Variants in MRPL21 observed in about 807,000 individuals in gnomAD.
The protein encoded by MRPL21 is mitochondrial ribosomal protein L21, also known as large ribosomal subunit protein bL21m.
MRPL21 carries 20 observed loss-of-function variants against 27.3 expected under a neutral mutation model. The ratio of observed to expected loss-of-function variants is 0.73; its 90% CI spans 0.52 to 1.06. The LOEUF (loss-of-function observed/expected upper bound fraction) is 1.06. MRPL21 is among the 50% of genes least tolerant of loss of function. MRPL21 has a pLI of 0.00. For missense variants in MRPL21, 249 were observed against 251.4 expected, an observed-to-expected ratio of 0.99 and a Z score of 0.06; for synonymous variants, 98 against 101.5, an observed-to-expected ratio of 0.97 and a Z score of 0.21.
intron 2 of MRPL21, among the ~76,000 whole-genome samples, chr11:68,899,620 C>T (rs1235788820): frequency 6.6e-6 from 1 of 152,218 alleles, no homozygotes; most frequent in Admixed American, 6.5e-5. Context: ...TTCAGCAGTG[C>T]CCAGTGTGAG....
chr11:68,891,679 G>A (rs1034665713), intron 6 of MRPL21: 3 of 554,184 alleles, frequency 5.4e-6, no homozygotes, highest in African/African-American at 1.9e-5. Context: ...GACTTCTGGA[G>A]TGCGTGGGAG....
intron 4 of MRPL21, among the ~76,000 whole-genome samples, chr11:68,895,635 G>A (rs1857768415): frequency 6.6e-6 from 1 of 152,216 alleles, no homozygotes; most frequent in Non-Finnish European, 1.5e-5. Flanking sequence ...GGGTGACAGA[G>A]CGAGACTGAG....
At chr11:68,903,289 C>T (rs1305511054) in intron 1 of MRPL21, among the ~76,000 whole-genome samples, 1 of 152,184 alleles carries the variant, frequency 6.6e-6, no homozygotes, top group Non-Finnish European at 1.5e-5. Context: ...GCCTTAAATA[C>T]GGCTGTTTCT....
At chr11:68,898,061 G>C (rs1485945936) in intron 2 of MRPL21, 49 bp from the exon 3 acceptor site, 7 of 1,453,512 alleles carry the variant, frequency 4.8e-6, no homozygotes, top group Non-Finnish European at 6.8e-6. Context: ...TGAAAAGGCA[G>C]CTCAAATCCT....
chr11:68,891,369 G>A lies in MRPL21; in HGVS notation c.580C>T (p.Arg194Trp), dbSNP rs745515841. 13 of 1,614,048 alleles carry A rather than the reference G, an allele frequency of 8.1e-6. No homozygotes were observed. Among genetic ancestry groups the A allele is most frequent in the Middle Eastern group, 1.6e-4 (1 of 6,062 alleles). The change falls in exon 7 of 7, where the codon CGG becomes TGG. Residue 194 changes from arginine to tryptophan, a missense_variant. Coordinates refer to ENST00000362034, the MANE Select transcript of MRPL21 (RefSeq NM_181514.2). Reference protein sequence around the residue: ...RIVTTPQTVLRINSIEIAPCL... With the variant: ...RIVTTPQTVLWINSIEIAPCL... ...GGAGCAATCTCAATGCTGTTTATCC[G>A]GAGGACAGTCTGCGGGGTCGTGACG...
intron 2 of MRPL21, 34 bp downstream of exon 2, chr11:68,900,513 GA>G: frequency 6.3e-7 from 1 of 1,591,222 alleles, no homozygotes; most frequent in Non-Finnish European, 8.6e-7. Flanking sequence ...CAAATGAAAG[GA>G]AAAGAGGCAC....
chr11:68,900,789 T>C (rs549085070), intron 1 of MRPL21, among the ~76,000 whole-genome samples, 184 bp from the exon 2 acceptor site: 1 of 152,210 alleles, frequency 6.6e-6, no homozygotes, highest in African/African-American at 2.4e-5. Flanking sequence ...ACTGGTTATA[T>C]GTGTTGAGAT....
chr11:68,893,840 G>A (rs1477590639), intron 4 of MRPL21, among the ~76,000 whole-genome samples: 1 of 152,150 alleles, frequency 6.6e-6, no homozygotes, highest in Admixed American at 6.5e-5. Flanking sequence ...TTGGGAGGCC[G>A]AGGTGGGTGG....
intron 6 of MRPL21, 75 bp downstream of exon 6, chr11:68,892,815 C>T: frequency 6.4e-7 from 1 of 1,568,262 alleles, no homozygotes; most frequent in African/African-American, 1.3e-5. Flanking sequence ...CCCACGTGCC[C>T]CACACCCTCC....
At chr11:68,896,120 T>C (rs1857781043) in intron 4 of MRPL21, among the ~76,000 whole-genome samples, 1 of 152,260 alleles carries the variant, frequency 6.6e-6, no homozygotes, top group Admixed American at 6.5e-5. Flanking sequence ...AACAGTTTTT[T>C]CCTCATAGAC....
intron 1 of MRPL21, among the ~76,000 whole-genome samples, chr11:68,902,030 G>C (rs894702319): frequency 2.0e-5 from 3 of 152,154 alleles, no homozygotes; most frequent in Non-Finnish European, 4.4e-5. Context: ...TTTGCTTCTA[G>C]CTTTGTTTTT....
chr11:68,893,082 T>C (rs2154005471), intron 5 of MRPL21, 89 bp from the exon 6 acceptor site: 1 of 1,418,258 alleles, frequency 7.1e-7, no homozygotes. Flanking sequence ...AGTTATACTT[T>C]CTCTTTTGTT....
At chr11:68,893,961 C>T (rs1249643425) in intron 4 of MRPL21, among the ~76,000 whole-genome samples, 1 of 152,110 alleles carries the variant, frequency 6.6e-6, no homozygotes, top group Non-Finnish European at 1.5e-5. Context: ...GTAGTCCCAG[C>T]TACTCAGGAG....
chr11:68,898,407 C>T (rs978171963), intron 2 of MRPL21, among the ~76,000 whole-genome samples: 1 of 152,212 alleles, frequency 6.6e-6, no homozygotes, highest in Non-Finnish European at 1.5e-5. Context: ...CTCCCGCCTC[C>T]CTTGGCATCC....
chr11:68,891,716 G>A, intron 6 of MRPL21: 1 of 536,646 alleles, frequency 1.9e-6, no homozygotes, highest in Non-Finnish European at 3.3e-6. Context: ...TGACCTTGAG[G>A]CTACCTGGAA....
In MRPL21 at chr11:68,891,340, A is replaced by G. The variant is rs139341584; in HGVS notation, c.609T>C (p.Cys203=). ...AGTATTAACTCGGTAATCACAACAA[A>G]CACGGAGCAATCTCAATGCTGTTTA... is the stretch of plus-strand genomic sequence containing the variant. The part of the protein sequence containing the change: ...LRINSIEIAP[C]LL The change falls in exon 7 of 7, where the codon TGT becomes TGC. Residue 203 remains cysteine, a synonymous_variant. Transcript: ENST00000362034. 1,261 of 1,614,048 alleles carry G rather than the reference A, an allele frequency of 7.8e-4. 16 individuals carry two copies. In the South Asian group the frequency reaches 0.013, roughly 16 times the overall value.
At chr11:68,892,141 A>G (rs1857662958) in intron 6 of MRPL21, 1 of 1,134,076 alleles carries the variant, frequency 8.8e-7, no homozygotes, top group Non-Finnish European at 1.1e-6. Flanking sequence ...AGGGTGGAGG[A>G]GAAGGGGAGC....
chr11:68,900,024 G>T (rs955627895), intron 2 of MRPL21, among the ~76,000 whole-genome samples: 1 of 152,206 alleles, frequency 6.6e-6, no homozygotes, highest in African/African-American at 2.4e-5. Context: ...TCCCTGCACT[G>T]CTCCTGTGTC....
intron 1 of MRPL21, among the ~76,000 whole-genome samples, chr11:68,901,117 G>A (rs1015715001): frequency 2.0e-5 from 3 of 152,192 alleles, no homozygotes; most frequent in Non-Finnish European, 4.4e-5. Context: ...GCCCTGCTGT[G>A]AGCAGCCCTA....
Sources: gnomAD v4.1 joint callset for allele counts (sites outside exome capture counted in the v4.1 genomes callset) on GRCh38, gnomAD v4.1.1 for gene constraint, MANE v1.5 for transcripts, NCBI Gene and HGNC (gene_info 2026-07-23, HGNC 2026-07-21) for gene names.